Variants in PCDH10 observed in about 807,000 individuals in gnomAD.
The protein encoded by PCDH10 is protocadherin 10.
A neutral mutation model predicts 74.4 loss-of-function variants in PCDH10; 15 were observed. That is an observed-to-expected ratio of 0.20 (90% CI 0.13 to 0.31). PCDH10 has a LOEUF of 0.31. Among genes scored for constraint, PCDH10 ranks in the 10% least tolerant of loss-of-function variants. The pLI is 1.00. For missense variants in PCDH10, 1,260 were observed against 1,390.2 expected, an observed-to-expected ratio of 0.91 and a Z score of 1.49; for synonymous variants, 619 against 589.8, an observed-to-expected ratio of 1.05 and a Z score of -0.72.
intron 3 of PCDH10, among the ~76,000 whole-genome samples, chr4:133,160,061 C>G (rs989549105): frequency 2.6e-5 from 4 of 151,938 alleles, no homozygotes; most frequent in Admixed American, 2.6e-4. Context: ...AGCTCTCAAA[C>G]TATATAACTA....
rs550453740 is a variant in PCDH10, at chr4:133,168,448, T to C, written c.3103+5166T>C. Among the ~76,000 whole-genome samples, 3 of 151,708 alleles carry C rather than the reference T, an allele frequency of 2.0e-5. No individual in the cohort carries two copies. The South Asian group carries it at 6.2e-4, about 31-fold the overall frequency. ...AATTTCATAGTTTCTTTTATCAATATATTTATCTTTATAATTATCTGTAAT... is the reference window on the plus strand; with the variant it reads ...AATTTCATAGTTTCTTTTATCAATACATTTATCTTTATAATTATCTGTAAT... On this transcript the variant is annotated intron_variant, in intron 4 of 4. Coordinates refer to ENST00000264360, the MANE Select transcript of PCDH10 (RefSeq NM_032961.3).
At position 133,151,829 on chromosome 4, in the gene PCDH10, C is replaced by T. The variant is rs2125858356; in HGVS notation, c.1689C>T (p.Leu563=). 6.2e-7 allele frequency: 1 copy of T among 1,613,096 alleles called. No individual in the cohort carries two copies. Among genetic ancestry groups the T allele is most frequent in the Non-Finnish European group, 8.5e-7 (1 of 1,180,042 alleles). The change falls in exon 1 of 5, where the codon CTC becomes CTT. Residue 563 remains leucine, a synonymous_variant. Coordinates refer to ENST00000264360, the MANE Select transcript of PCDH10 (RefSeq NM_032961.3). ...CTGGTAACGCCACTGTCAACATCCT[C>T]ATAGTGGATCAAAATGACAACGCCC... ...ALAGNATVNI[L]IVDQNDNAPA...
At chr4:133,195,920 A>T (rs1447253578), downstream of PCDH10, among the ~76,000 whole-genome samples, 1 of 152,146 alleles carries the variant, frequency 6.6e-6, no homozygotes, top group Non-Finnish European at 1.5e-5. Flanking sequence ...GCACCATATG[A>T]TCTGTTTTTC....
intron 4 of PCDH10, among the ~76,000 whole-genome samples, chr4:133,170,378 TGTTA>T (rs1578567511): frequency 1.3e-5 from 2 of 152,016 alleles, no homozygotes; most frequent in East Asian, 3.9e-4. Flanking sequence ...CACAATACAG[TGTTA>T]GTTTAAATTA....
chr4:133,158,289 G>A (rs1726903896), intron 3 of PCDH10, among the ~76,000 whole-genome samples: 1 of 151,958 alleles, frequency 6.6e-6, no homozygotes. Flanking sequence ...TATATCTAAA[G>A]TGATCTGTTT....
downstream of PCDH10, among the ~76,000 whole-genome samples, chr4:133,198,774 T>C (rs552436036): frequency 9.2e-5 from 14 of 152,334 alleles, no homozygotes; most frequent in African/African-American, 3.4e-4. Context: ...TAGATGTTGC[T>C]GCTGAGGTGG....
In PCDH10 at chr4:133,191,470, G is replaced by A. The variant is rs1021992155; in HGVS notation, c.*1310G>A. 6.6e-6 allele frequency: 1 copy of A among 152,104 alleles called. No homozygotes were observed. The highest frequency in any genetic ancestry group is 2.4e-5 in the African/African-American group (1 of 41,396). The allele number at this position is 152,104 out of a possible 1,614,324, so 9.4% of individuals were successfully genotyped here. A position where few individuals can be genotyped will look rare whatever the true frequency, so the allele number is the denominator to read the frequency against. ...GTGAAAATTTTATAGCTTAAATGTAGTCAGTGTTTGATTAATGAAAAAATT... is the reference window on the plus strand; with the variant it reads ...GTGAAAATTTTATAGCTTAAATGTAATCAGTGTTTGATTAATGAAAAAATT... On this transcript the variant is annotated 3_prime_UTR_variant, in exon 5 of 5. Transcript: ENST00000264360.
At chr4:133,200,397 A>G (rs1726338527) in intron 2 of PCDH10, among the ~76,000 whole-genome samples, 1 of 152,020 alleles carries the variant, frequency 6.6e-6, no homozygotes, top group South Asian at 2.1e-4. Context: ...AACACCCATA[A>G]CAATAAGTAA....
chr4:133,159,612 A>G (rs915225461), intron 3 of PCDH10, among the ~76,000 whole-genome samples: 1 of 151,980 alleles, frequency 6.6e-6, no homozygotes, highest in African/African-American at 2.4e-5. Context: ...GGTGATGGTT[A>G]CACTAAAAAT....
intron 3 of PCDH10, among the ~76,000 whole-genome samples, chr4:133,160,082 G>A (rs1726935668): frequency 6.6e-6 from 1 of 151,812 alleles, no homozygotes. Flanking sequence ...CATAACAAAT[G>A]AAAAAATCAA....
intron 4 of PCDH10, among the ~76,000 whole-genome samples, chr4:133,187,497 C>G (rs1316065108): frequency 6.6e-6 from 1 of 152,014 alleles, no homozygotes; most frequent in Admixed American, 6.6e-5. Flanking sequence ...TGGAGGAAAT[C>G]TTCCTTCCTC....
chr4:133,206,157 A>G (rs1728001090), intron 2 of PCDH10, among the ~76,000 whole-genome samples: 1 of 152,136 alleles, frequency 6.6e-6, no homozygotes, highest in South Asian at 2.1e-4. Context: ...TAACCAAGAG[A>G]AATATTTTCA....
intron 4 of PCDH10, among the ~76,000 whole-genome samples, chr4:133,186,918 A>G (rs950759486): frequency 1.3e-5 from 2 of 152,044 alleles, no homozygotes; most frequent in African/African-American, 4.8e-5. Flanking sequence ...GTCTTTTGAC[A>G]TGTTTGTCAG....
In PCDH10 at chr4:133,190,510, T is replaced by C; in HGVS notation, c.*350T>C. Reference sequence around the variant, plus strand: ...AGCCAGTCATAAAGATAAAGGAAATTTGTGCATTATAAATGCAATATCACT... The same window carrying C: ...AGCCAGTCATAAAGATAAAGGAAATCTGTGCATTATAAATGCAATATCACT... On this transcript the variant is annotated 3_prime_UTR_variant, in exon 5 of 5. Coordinates refer to ENST00000264360, the MANE Select transcript of PCDH10 (RefSeq NM_032961.3). 4.2e-6 allele frequency: 1 copy of C among 237,024 alleles called. No individual in the cohort carries two copies. Among genetic ancestry groups the C allele is most frequent in the Non-Finnish European group, 8.1e-6 (1 of 123,388 alleles). 14.7% of individuals were successfully genotyped at this position (237,024 alleles called of 1,614,324 possible). A position where few individuals can be genotyped will look rare whatever the true frequency, so the allele number is the denominator to read the frequency against.
exon 3 of PCDH10, chr4:133,208,564 T>A (rs754244684): frequency 3.3e-5 from 5 of 152,164 alleles, no homozygotes; most frequent in Non-Finnish European, 7.3e-5. Context: ...TTGGGATTGA[T>A]CTACTGGCTT....
chr4:133,179,957 G>C (rs1037806161), intron 4 of PCDH10, among the ~76,000 whole-genome samples: 1 of 151,722 alleles, frequency 6.6e-6, no homozygotes, highest in African/African-American at 2.4e-5. Flanking sequence ...GTCTCTGAAT[G>C]ACATTAAAAA....
chr4:133,151,258 C>T lies in PCDH10; in HGVS notation c.1118C>T (p.Pro373Leu). Reference protein sequence around the residue: ...VKEAVSEGAAPGTVVALFSVT... With the variant: ...VKEAVSEGAALGTVVALFSVT... ...GAAGCGGTGAGTGAGGGCGCGGCGCCCGGCACTGTGGTGGCCCTTTTCAGC... is the reference window on the plus strand; with the variant it reads ...GAAGCGGTGAGTGAGGGCGCGGCGCTCGGCACTGTGGTGGCCCTTTTCAGC... The change falls in exon 1 of 5, where the codon CCC becomes CTC. Residue 373 changes from proline (P) to leucine (L), a missense_variant. By Grantham distance (98) the Pro-to-Leu change is moderately conservative (BLOSUM62 -3). This residue lies in a region of PCDH10 where 112 missense variants were observed against 123.6 expected (regional missense o/e 0.91). Transcript: ENST00000264360. The T allele has an allele frequency of 3.1e-6, 5 of 1,614,124 alleles. No homozygotes were observed. The highest frequency in any genetic ancestry group is 4.2e-6 in the Non-Finnish European group (5 of 1,180,036).
At chr4:133,170,528 A>G (rs1727180880) in intron 4 of PCDH10, among the ~76,000 whole-genome samples, 1 of 152,124 alleles carries the variant, frequency 6.6e-6, no homozygotes, top group South Asian at 2.1e-4. Flanking sequence ...AATCAGTTAA[A>G]TTTAATTTTT....
At chr4:133,202,976 A>T (rs1727933616) in intron 2 of PCDH10, among the ~76,000 whole-genome samples, 1 of 152,136 alleles carries the variant, frequency 6.6e-6, no homozygotes, top group African/African-American at 2.4e-5. Flanking sequence ...TTAGAGGATC[A>T]AGTTCGGTGC....
Sources: gnomAD v4.1 joint callset for allele counts (sites outside exome capture counted in the v4.1 genomes callset) on GRCh38, gnomAD v4.1.1 for gene constraint, gnomAD v4.1.1 regional missense constraint, MANE v1.5 for transcripts, NCBI Gene and HGNC (gene_info 2026-07-23, HGNC 2026-07-21) for gene names.